Variants in ANKRD26 observed in about 807,000 individuals in gnomAD.
The protein encoded by ANKRD26 is ankyrin repeat domain 26.
In ANKRD26, 141 loss-of-function variants were observed where a neutral mutation model predicts 208.7. The observed-to-expected ratio is 0.68, with a 90% CI of 0.59 to 0.78. The LOEUF is 0.78. ANKRD26 is among the 30% of genes least tolerant of loss of function. The pLI is 0.00. For missense variants in ANKRD26, 1,889 were observed against 1,938.7 expected, an observed-to-expected ratio of 0.97 and a Z score of 0.48; for synonymous variants, 636 against 660.4, an observed-to-expected ratio of 0.96 and a Z score of 0.57.
At chr10:27,086,773 T>TTTG (rs1554795273) in intron 4 of ANKRD26, among the ~76,000 whole-genome samples, 164 bp from the exon 5 acceptor site, 2 of 138,506 alleles carry the variant, frequency 1.4e-5, no homozygotes, top group East Asian at 2.1e-4. Context: ...TTTTTGTTTT[T>TTTG]TTTTTTTTTT....
intron 32 of ANKRD26, among the ~76,000 whole-genome samples, chr10:27,012,370 C>T (rs895874817): frequency 6.6e-6 from 1 of 150,904 alleles, no homozygotes; most frequent in Non-Finnish European, 1.5e-5. Flanking sequence ...AATGGTACCT[C>T]TTGAAAATGA....
chr10:27,019,847 T>A (rs2053427212), intron 29 of ANKRD26, among the ~76,000 whole-genome samples: 1 of 152,220 alleles, frequency 6.6e-6, no homozygotes, highest in African/African-American at 2.4e-5. Context: ...CCAAAATTTA[T>A]GGCTTAAAAC....
chr10:26,959,802 T>C, the ANKRD26 span, among the ~76,000 whole-genome samples: 2 of 152,156 alleles, frequency 1.3e-5, no homozygotes. Flanking sequence ...TTGAGGTTCC[T>C]CCTGACAAAC....
At chr10:27,052,493 G>C (rs1022962347) in intron 16 of ANKRD26, among the ~76,000 whole-genome samples, 6 of 152,018 alleles carry the variant, frequency 3.9e-5, no homozygotes, top group Non-Finnish European at 8.8e-5. Flanking sequence ...TTTCTAACTG[G>C]AGAGTAGGGA....
chr10:27,035,765 A>G lies in ANKRD26; in HGVS notation c.2698-13T>C. The G allele has an allele frequency of 1.9e-6, 3 of 1,583,460 alleles. No homozygotes were observed. Among genetic ancestry groups the G allele is most frequent in the Non-Finnish European group, 1.7e-6 (2 of 1,155,688 alleles). ...GACTATGAGAATTCTAAGTAAAACA[A>G]AGGAAACTTTGAGCTAGCACCCAAG... On this transcript the variant is annotated splice_polypyrimidine_tract_variant and intron_variant, in intron 23 of 33. Coordinates refer to ENST00000376087, the MANE Select transcript of ANKRD26 (RefSeq NM_014915.3).
At chr10:26,988,275 A>G (rs2052423075), downstream of ANKRD26, among the ~76,000 whole-genome samples, 1 of 152,104 alleles carries the variant, frequency 6.6e-6, no homozygotes, top group Non-Finnish European at 1.5e-5. Flanking sequence ...TAGGGTTAAT[A>G]CTCAGTTCTT....
At chr10:27,014,820 GAGAA>G in intron 30 of ANKRD26, 109 bp from the exon 31 acceptor site, 1 of 833,160 alleles carries the variant, frequency 1.2e-6, no homozygotes. Context: ...ACTCCAAAAA[GAGAA>G]AGATCTCTGT....
Position 27,005,439 on chromosome 10 carries a change from G to T in ANKRD26, c.*151C>A. 3.6e-6 allele frequency: 5 copies of T among 1,384,718 alleles called. No homozygotes were observed. Among genetic ancestry groups the T allele is most frequent in the Non-Finnish European group, 4.7e-6 (5 of 1,072,638 alleles). The allele number at this position is 1,384,718 out of a possible 1,614,324, so 85.8% of individuals were successfully genotyped here. On this transcript the variant is annotated 3_prime_UTR_variant, in exon 34 of 34. Transcript: ENST00000376087. The stretch of plus-strand genomic sequence containing the variant: ...CAAAATCCACTTAAAAGTTAAAGAA[G>T]CCAAGTAACATTGTTTAAAATACTA...
At chr10:27,061,800 A>C in intron 12 of ANKRD26, 1 of 345,254 alleles carries the variant, frequency 2.9e-6, no homozygotes, top group Non-Finnish European at 4.1e-6. Flanking sequence ...CCTGGGCTCC[A>C]GCAACCCACC....
chr10:27,077,437 T>C lies in ANKRD26; in HGVS notation c.978A>G (p.Thr326=). 1.2e-6 allele frequency: 2 copies of C among 1,613,912 alleles called. No individual in the cohort carries two copies. The highest frequency in any genetic ancestry group is 2.2e-5 in the South Asian group (2 of 91,076). ...DEVVVESLPT[T]SIKVQCFSHP... is the part of the protein sequence containing the mutation. ...GAGAAAAGCACTGGACTTTGATTGA[T>C]GTTGTAGGAAGGCTTTCAACCACAA... Residue 326 remains threonine, a synonymous_variant, in exon 9 of 34, where the codon ACA becomes ACG. Transcript: ENST00000376087.
intron 20 of ANKRD26, among the ~76,000 whole-genome samples, chr10:27,042,849 T>G (rs1472681148): frequency 8.2e-6 from 1 of 121,336 alleles, no homozygotes; most frequent in East Asian, 2.7e-4. Flanking sequence ...GCCTATCATA[T>G]CAGCTACTCA....
chr10:27,000,596 C>T (rs1220475731), downstream of ANKRD26, among the ~76,000 whole-genome samples: 1 of 152,148 alleles, frequency 6.6e-6, no homozygotes, highest in African/African-American at 2.4e-5. Context: ...ACAGATTTTA[C>T]TTCTATAAGA....
At chr10:27,003,259 C>G (rs2368205), downstream of ANKRD26, among the ~76,000 whole-genome samples, 14,461 of 152,162 alleles carry the variant, frequency 0.095, 2,219 homozygotes, top group African/African-American at 0.33. Flanking sequence ...CAGAAGGACA[C>G]AAAGTCAGCT....
rs545229364 is a variant in ANKRD26 at position 27,039,011 on chromosome 10, G to A, written c.2375+954C>T. On this transcript the variant is annotated intron_variant, in intron 21 of 33. Coordinates refer to ENST00000376087, the MANE Select transcript of ANKRD26 (RefSeq NM_014915.3). ...TTAAAATCTCTTTTGGAACAAAACAGGATCTAATATTTAAGTAAACCGTAA... is the reference window on the plus strand; with the variant it reads ...TTAAAATCTCTTTTGGAACAAAACAAGATCTAATATTTAAGTAAACCGTAA... Among the ~76,000 whole-genome samples, 10 of 152,210 alleles carry A rather than the reference G, an allele frequency of 6.6e-5. No homozygotes were observed. In the East Asian group the frequency reaches 1.3e-3, roughly 21 times the overall value.
intron 15 of ANKRD26, 68 bp downstream of exon 15, chr10:27,060,277 G>T: frequency 7.5e-7 from 1 of 1,325,106 alleles, no homozygotes; most frequent in Non-Finnish European, 1.1e-6. Flanking sequence ...AAAACTGTGA[G>T]CATTTCAAAT....
intron 29 of ANKRD26, among the ~76,000 whole-genome samples, chr10:27,022,179 C>T (rs895366051): frequency 2.6e-5 from 4 of 152,166 alleles, no homozygotes; most frequent in South Asian, 2.1e-4. Context: ...AAACCAAATA[C>T]TGCAAGTTCT....
chr10:27,080,144 A>G (rs1204271930), intron 6 of ANKRD26: 1 of 189,418 alleles, frequency 5.3e-6, no homozygotes, highest in Non-Finnish European at 1.1e-5. Flanking sequence ...GCAACAGTGC[A>G]AGACTTTGTC....
In ANKRD26 at chr10:27,032,673, G is replaced by T. The variant is rs932780310; in HGVS notation, c.3807+552C>A. ...AAAAACAAAAAACAAAAATTAGCTG[G>T]GCATGCTGGCACACACCTATAATGC... On this transcript the variant is annotated intron_variant, in intron 25 of 33. Transcript: ENST00000376087. 2.6e-5 allele frequency among the ~76,000 whole-genome samples: 4 copies of T among 151,106 alleles called. No homozygotes were observed. In the East Asian group the frequency reaches 7.8e-4, roughly 30 times the overall value.
At chr10:27,064,410 TG>T in intron 11 of ANKRD26, among the ~76,000 whole-genome samples, 1 of 152,278 alleles carries the variant, frequency 6.6e-6, no homozygotes, top group Non-Finnish European at 1.5e-5. Flanking sequence ...AACTCTACTT[TG>T]TATTCCCCAC....
Sources: allele counts gnomAD v4.1 joint callset (sites outside exome capture counted in the v4.1 genomes callset), GRCh38; gene constraint gnomAD v4.1.1; transcripts MANE v1.5; gene names NCBI Gene and HGNC (gene_info 2026-07-23, HGNC 2026-07-21).